LUC7L2: variants seen among roughly 807,000 people sequenced by gnomAD.
The protein encoded by LUC7L2 is LUC7 like 2, pre-mRNA splicing factor.
LUC7L2 carries 25 observed loss-of-function variants against 52.8 expected under a neutral mutation model. That is an observed-to-expected ratio of 0.47 (90% CI 0.34 to 0.66). The LOEUF (loss-of-function observed/expected upper bound fraction) is 0.66. Among genes scored for constraint, LUC7L2 ranks in the 30% least tolerant of loss-of-function variants. The pLI is 0.01. For missense variants in LUC7L2, 328 were observed against 497.8 expected (o/e 0.66, Z 3.25); for synonymous variants, 144 against 160.9 (o/e 0.89, Z 0.80).
intron 7 of LUC7L2, among the ~76,000 whole-genome samples, chr7:139,411,377 G>T (rs1189996042): frequency 2.0e-5 from 3 of 152,128 alleles, no homozygotes; most frequent in Non-Finnish European, 4.4e-5. Context: ...ATCATTTACT[G>T]GGTGCTTATT....
At chr7:139,394,364 T>C (rs1421368487) in intron 2 of LUC7L2, among the ~76,000 whole-genome samples, 1 of 152,190 alleles carries the variant, frequency 6.6e-6, no homozygotes, top group Non-Finnish European at 1.5e-5. Context: ...ATCTTCCCCA[T>C]GGCATGCCTT....
intron 1 of LUC7L2, among the ~76,000 whole-genome samples, chr7:139,363,869 A>G (rs778804654): frequency 2.0e-5 from 3 of 152,126 alleles, no homozygotes; most frequent in Non-Finnish European, 2.9e-5. Context: ...CCCTTTGCCA[A>G]CAAACACAGT....
intron 7 of LUC7L2, among the ~76,000 whole-genome samples, chr7:139,411,509 T>C (rs939001034): frequency 2.6e-5 from 4 of 152,154 alleles, no homozygotes; most frequent in African/African-American, 9.7e-5. Context: ...CAGAGTAAGC[T>C]GAGAGAGGAT....
chr7:139,420,221 G>A (rs1236931349), intron 9 of LUC7L2, among the ~76,000 whole-genome samples: 1 of 148,866 alleles, frequency 6.7e-6, no homozygotes, highest in Non-Finnish European at 1.5e-5. Context: ...TTTTTTTTTT[G>A]AGACGAGAGT....
chr7:139,351,910 A>C, intron 1 of LUC7L2, among the ~76,000 whole-genome samples: 1 of 152,120 alleles, frequency 6.6e-6, no homozygotes, highest in East Asian at 1.9e-4. Flanking sequence ...TTTCACTCTT[A>C]AACATGTGGG....
chr7:139,367,673 A>G (rs1397658250), intron 1 of LUC7L2, among the ~76,000 whole-genome samples: 1 of 152,226 alleles, frequency 6.6e-6, no homozygotes, highest in African/African-American at 2.4e-5. Flanking sequence ...TTTGAACTAT[A>G]TATATACCTA....
At chr7:139,363,976 C>CTTTTTTTTTTTTTTTTTTTTTTTTTTTTT (rs1169793101) in intron 1 of LUC7L2, among the ~76,000 whole-genome samples, 1 of 96,080 alleles carries the variant, frequency 1.0e-5, no homozygotes, top group African/African-American at 5.8e-5. Flanking sequence ...AGATTACATC[C>CTTTTTTTTTTTTTTTTTTTTTTTTTTTTT]TTTTTTTTTT....
At chr7:139,417,317 A>G in intron 8 of LUC7L2, 1 of 515,596 alleles carries the variant, frequency 1.9e-6, no homozygotes, top group South Asian at 2.6e-5. Context: ...TTGGGATTAC[A>G]GGTGTGAGCC....
At chr7:139,399,254 C>A (rs1187680339) in intron 3 of LUC7L2, among the ~76,000 whole-genome samples, 4 of 151,846 alleles carry the variant, frequency 2.6e-5, no homozygotes, top group Non-Finnish European at 4.4e-5. Context: ...GTTTACATAG[C>A]ATTTACATTG....
chr7:139,341,622 G>C lies in LUC7L2; in HGVS notation c.-26+1105G>C, dbSNP rs1798972352. The stretch of plus-strand genomic sequence containing the variant: ...CACGGTGTTTAATTCCTGCATTTCT[G>C]AGGCCAACCCTCCCACGGAGCCCTG... On this transcript the variant is annotated intron_variant, in intron 1 of 10. Coordinates refer to the LUC7L2 transcript ENST00000541170. The C allele has an allele frequency of 4.6e-6, 7 of 1,513,600 alleles. No individual in the cohort carries two copies. In the South Asian group the frequency reaches 7.6e-5, roughly 16 times the overall value. The allele number at this position is 1,513,600 out of a possible 1,614,324, so 93.8% of individuals were successfully genotyped here. A position where few individuals can be genotyped will look rare whatever the true frequency, so the allele number is the denominator to read the frequency against.
chr7:139,413,726 C>T (rs6974076), intron 8 of LUC7L2, among the ~76,000 whole-genome samples: 58,392 of 152,012 alleles, frequency 0.38, 15,626 homozygotes, highest in African/African-American at 0.76. Flanking sequence ...TACAGTAAGC[C>T]GAGATTGTGC....
Position 139,417,573 on chromosome 7 carries a change from G to A in LUC7L2, c.845G>A (p.Arg282His), listed in dbSNP as rs370412964. 6.8e-6 allele frequency: 11 copies of A among 1,614,010 alleles called. No homozygotes were observed. Among genetic ancestry groups the A allele is most frequent in the African/African-American group, 2.7e-5 (2 of 74,916 alleles). Reference sequence around the variant, plus strand: ...AGAGAGCATCGCAGACATCGATCTCGCTCCATGTCACGTGAACGCAAGAGG... The same window carrying A: ...AGAGAGCATCGCAGACATCGATCTCACTCCATGTCACGTGAACGCAAGAGG... ...RSREHRRHRS[R>H]SMSRERKRRT... Residue 282 changes from arginine to histidine, a missense_variant, in exon 9 of 10, where the codon CGC becomes CAC. Physicochemically the swap from Arg to His is conservative, Grantham distance 29. Coordinates refer to ENST00000354926, the MANE Select transcript of LUC7L2 (RefSeq NM_016019.5).
chr7:139,417,591 G>A lies in LUC7L2; in HGVS notation c.863G>A (p.Arg288His), dbSNP rs543623329. 17 of 1,614,164 alleles carry A rather than the reference G, an allele frequency of 1.1e-5. No homozygotes were observed. Among genetic ancestry groups the A allele is most frequent in the Admixed American group, 8.3e-5 (5 of 60,000 alleles). ...CGATCTCGCTCCATGTCACGTGAAC[G>A]CAAGAGGAGAACTCGATCCAAATCT... The part of the protein sequence containing the change: ...RHRSRSMSRE[R>H]KRRTRSKSRE... Residue 288 changes from arginine (R) to histidine (H), a missense_variant, in exon 9 of 10, where the codon CGC becomes CAC. Physicochemically the swap from Arg to His is conservative, Grantham distance 29 (BLOSUM62 0). Transcript: ENST00000354926.
At chr7:139,411,881 T>C (rs553162892) in intron 7 of LUC7L2, among the ~76,000 whole-genome samples, 21 of 152,130 alleles carry the variant, frequency 1.4e-4, no homozygotes, top group East Asian at 5.8e-4. Flanking sequence ...ATGACAGATA[T>C]AAAAGAATTT....
chr7:139,369,156 G>A (rs954249334), intron 1 of LUC7L2, among the ~76,000 whole-genome samples: 5 of 151,998 alleles, frequency 3.3e-5, no homozygotes, highest in East Asian at 1.9e-4. Flanking sequence ...GATAGCTTTC[G>A]TTACTTCTAA....
At chr7:139,381,147 T>A (rs1002791220) in intron 2 of LUC7L2, among the ~76,000 whole-genome samples, 20 of 152,090 alleles carry the variant, frequency 1.3e-4, no homozygotes, top group African/African-American at 4.8e-4. Flanking sequence ...CTGTTAAATG[T>A]CTCAATAAAA....
intron 2 of LUC7L2, among the ~76,000 whole-genome samples, chr7:139,394,871 G>C (rs934415447): frequency 4.6e-5 from 7 of 152,174 alleles, no homozygotes; most frequent in African/African-American, 1.7e-4. Context: ...CATTCTTTCT[G>C]TGCAAAGAAT....
At chr7:139,352,501 T>C in intron 1 of LUC7L2, among the ~76,000 whole-genome samples, 1 of 152,066 alleles carries the variant, frequency 6.6e-6, no homozygotes, top group East Asian at 1.9e-4. Context: ...ATCTCAAAGA[T>C]ATAAATTATT....
At chr7:139,371,358 A>G in intron 1 of LUC7L2, 1 of 798,236 alleles carries the variant, frequency 1.3e-6, no homozygotes. Context: ...TTGAAATTAC[A>G]ATACTAAACT....
Sources: gnomAD v4.1 joint callset for allele counts (sites outside exome capture counted in the v4.1 genomes callset) on GRCh38, gnomAD v4.1.1 for gene constraint, MANE v1.5 for transcripts, NCBI Gene and HGNC (gene_info 2026-07-23, HGNC 2026-07-21) for gene names.